Variants in MUC5B observed in about 807,000 individuals in gnomAD.
The protein encoded by MUC5B is mucin-5B.
A neutral mutation model predicts 376.9 loss-of-function variants in MUC5B; 116 were observed. The ratio of observed to expected loss-of-function variants is 0.31; its 90% CI spans 0.26 to 0.36. MUC5B has a LOEUF of 0.36. MUC5B is among the 10% of genes least tolerant of loss of function. The pLI is 1.00. For synonymous variants in MUC5B, 3,517 were observed against 3,390.9 expected (o/e 1.04, Z -1.29); for missense variants, 7,165 against 7,769.9 (o/e 0.92, Z 2.93).
At position 1,245,997 on chromosome 11, in the gene MUC5B, C is replaced by T. The variant is rs1394362094; in HGVS notation, c.9117C>T (p.Ala3039=). The T allele has an allele frequency of 1.2e-6, 2 of 1,612,898 alleles. No homozygotes were observed. Among genetic ancestry groups the T allele is most frequent in the Non-Finnish European group, 1.7e-6 (2 of 1,179,604 alleles). The part of the protein sequence containing the change: ...ATTPTATSSK[A]TSSSSPRTAT... ...CACCCACAGCCACCAGTTCCAAAGC[C>T]ACTTCCTCCTCCAGTCCAAGGACTG... The change falls in exon 31 of 49, where the codon GCC becomes GCT. Residue 3039 remains alanine (A), a synonymous_variant. Coordinates refer to ENST00000529681, the MANE Select transcript of MUC5B (RefSeq NM_002458.3).
rs1223625885 is a variant in MUC5B at position 1,255,147 on chromosome 11, G to C, written c.15771G>C (p.Lys5257Asn). The C allele has an allele frequency of 1.9e-6, 3 of 1,571,344 alleles. No homozygotes were observed. The highest frequency in any genetic ancestry group is 2.6e-6 in the Non-Finnish European group (3 of 1,159,738). ...CGTGGCTGGTCCCCGACAGCAGAAA[G>C]GATGGCTGCTGGGCCCCGACTGGCA... is the stretch of plus-strand genomic sequence containing the variant. The part of the protein sequence containing the change: ...AKTWLVPDSR[K>N]DGCWAPTGTP... Residue 5257 changes from lysine to asparagine, a missense_variant, in exon 36 of 49, where the codon AAG (lysine) becomes AAC (asparagine). Physicochemically the swap from Lys to Asn is moderately conservative, Grantham distance 94 (BLOSUM62 0). This residue lies in a region of MUC5B where 842 missense variants were observed against 1,016.9 expected (regional missense o/e 0.83). Transcript: ENST00000529681.
At position 1,234,475 on chromosome 11, in the gene MUC5B, A is replaced by G. The variant is rs1862110800; in HGVS notation, c.2479-54A>G. On this transcript the variant is annotated intron_variant, in intron 20 of 48. Coordinates refer to ENST00000529681, the MANE Select transcript of MUC5B (RefSeq NM_002458.3). This position sits in a 1 kb window ranked among gnomAD's most constrained non-coding sequence, Gnocchi z 6.3. ...GTGCGCCTGTCCCAGAGGGTGAGTG[A>G]CATCTGCCCACCCTGGTGTCCAGCC... 6.5e-7 allele frequency: 1 copy of G among 1,546,570 alleles called. No homozygotes were observed. The highest frequency in any genetic ancestry group is 1.9e-5 in the Admixed American group (1 of 51,494).
In MUC5B at chr11:1,236,429, C is replaced by T. The variant is rs757427396; in HGVS notation, c.2924C>T (p.Ala975Val). ...CAAGAGGGGACCTTTAAGGCGGTGG[C>T]GAGAGGGCCGGGTGGGGACCCACCC... is the stretch of plus-strand genomic sequence containing the variant. The part of the protein sequence containing the change: ...ILQEGTFKAV[A>V]RGPGGDPPYK... Residue 975 changes from alanine to valine, a missense_variant, in exon 24 of 49, where the codon GCG becomes GTG. Physicochemically the swap from Ala to Val is moderately conservative, Grantham distance 64. This residue lies in a region of MUC5B where 530 missense variants were observed against 604.0 expected (regional missense o/e 0.88). Coordinates refer to ENST00000529681, the MANE Select transcript of MUC5B (RefSeq NM_002458.3). The T allele has an allele frequency of 2.4e-5, 38 of 1,612,410 alleles. No individual in the cohort carries two copies. The highest frequency in any genetic ancestry group is 3.0e-5 in the Non-Finnish European group (35 of 1,179,628).
chr11:1,235,377 C>T lies in MUC5B; in HGVS notation c.2844C>T (p.Gly948=). The T allele has an allele frequency of 6.2e-7, 1 of 1,612,696 alleles. No individual in the cohort carries two copies. Among genetic ancestry groups the T allele is most frequent in the Non-Finnish European group, 8.5e-7 (1 of 1,179,764 alleles). Residue 948 remains glycine, a synonymous_variant, in exon 23 of 49, where the codon GGC becomes GGT. Coordinates refer to ENST00000529681, the MANE Select transcript of MUC5B (RefSeq NM_002458.3). ...AGAACATCCCCTGTGGGACCACCGG[C>T]ACCACCTGCTCCAAGGCCATCAAGC... ...VTENIPCGTT[G]TTCSKAIKLF... is the part of the protein sequence containing the mutation.
chr11:1,252,671 GCC>G, intron 32 of MUC5B, 136 bp from the exon 33 acceptor site: 1 of 1,388,608 alleles, frequency 7.2e-7, no homozygotes, highest in Non-Finnish European at 9.6e-7. Context: ...GGGCCTAGGG[GCC>G]AGGCTAGCAT....
In MUC5B at chr11:1,251,600, C is replaced by A. The variant is rs1458091157; in HGVS notation, c.14720C>A (p.Ala4907Glu). 1 of 1,612,952 alleles carries A rather than the reference C, an allele frequency of 6.2e-7. No homozygotes were observed. Among genetic ancestry groups the A allele is most frequent in the Non-Finnish European group, 8.5e-7 (1 of 1,179,774 alleles). ...ACCGTGGGGACCACCCGCACCCCTG[C>A]AGTGCTCCCCAGCAGCCTGCCAACC... ...SSTVGTTRTP[A>E]VLPSSLPTFS... Residue 4907 changes from alanine to glutamate, a missense_variant, in exon 31 of 49, where the codon GCA (alanine) becomes GAA (glutamate). Physicochemically the swap from Ala to Glu is moderately radical, Grantham distance 107. Coordinates refer to ENST00000529681, the MANE Select transcript of MUC5B (RefSeq NM_002458.3).
At chr11:1,228,394 GC>G (rs1289004470) in intron 7 of MUC5B, 169 bp from the exon 8 acceptor site, 14 of 627,234 alleles carry the variant, frequency 2.2e-5, no homozygotes, top group Non-Finnish European at 3.7e-5. Context: ...CTCCCCAAGG[GC>G]CAAGCAGAGC....
In MUC5B at chr11:1,247,606, G is replaced by T. The variant is rs1862530377; in HGVS notation, c.10726G>T (p.Ala3576Ser). The T allele has an allele frequency of 6.2e-7, 1 of 1,610,500 alleles. No homozygotes were observed. The highest frequency in any genetic ancestry group is 1.3e-5 in the African/African-American group (1 of 74,738). ...GACCACGGGCTGTGAGCCCCAGTGT[G>T]CCTGGTCAGAGTGGCTGGACTACAG... ...VVTTGCEPQCAWSEWLDYSYP... is the reference protein window; with the variant it reads ...VVTTGCEPQCSWSEWLDYSYP... Residue 3576 changes from alanine (A) to serine (S), a missense_variant, in exon 31 of 49, where the codon GCC (alanine) becomes TCC (serine). Coordinates refer to ENST00000529681, the MANE Select transcript of MUC5B (RefSeq NM_002458.3).
chr11:1,248,494 G>A lies in MUC5B; in HGVS notation c.11614G>A (p.Gly3872Ser), dbSNP rs1232671071. The A allele has an allele frequency of 1.2e-6, 2 of 1,610,500 alleles. No individual in the cohort carries two copies. Among genetic ancestry groups the A allele is most frequent in the East Asian group, 2.2e-5 (1 of 44,744 alleles). Residue 3872 changes from glycine to serine, a missense_variant, in exon 31 of 49, where the codon GGC (glycine) becomes AGC (serine). Physicochemically the swap from Gly to Ser is moderately conservative, Grantham distance 56 (BLOSUM62 0). Around this residue, in one of 31 missense-constraint regions of MUC5B, gnomAD observed 242 missense variants for 199.0 expected, o/e 1.22. Transcript: ENST00000529681. ...CAAAGTGCCGACTACCACAACCACGGGCTTCACAGTCACCCCCTCCTCCAG... is the reference window on the plus strand; with the variant it reads ...CAAAGTGCCGACTACCACAACCACGAGCTTCACAGTCACCCCCTCCTCCAG... ...TTKVPTTTTT[G>S]FTVTPSSSPG... is the part of the protein sequence containing the mutation.
Position 1,243,068 on chromosome 11 carries a change from C to G in MUC5B, c.6188C>G (p.Pro2063Arg). 2 of 1,612,188 alleles carry G rather than the reference C, an allele frequency of 1.2e-6. No homozygotes were observed. The highest frequency in any genetic ancestry group is 1.7e-6 in the Non-Finnish European group (2 of 1,178,952). Residue 2063 changes from proline (P) to arginine (R), a missense_variant, in exon 31 of 49, where the codon CCC (proline) becomes CGC (arginine). Physicochemically the swap from Pro to Arg is moderately radical, Grantham distance 103 (BLOSUM62 -2). Transcript: ENST00000529681. ...ACAACCACGGGCTTCACAGCCACCC[C>G]CTCCTCCAGCCCAGGGACGGCACTC... is the stretch of plus-strand genomic sequence containing the variant. The part of the protein sequence containing the change: ...TTTTTGFTAT[P>R]SSSPGTALTP...
rs373298756 is a variant in MUC5B at position 1,251,571 on chromosome 11, G to A, written c.14691G>A (p.Ser4897=). 176 of 1,612,380 alleles carry A rather than the reference G, an allele frequency of 1.1e-4. 1 individual carries two copies. Among genetic ancestry groups the A allele is most frequent in the Middle Eastern group, 6.6e-4 (4 of 6,062 alleles). ...CCACTGCCTCCACGGTTCCCAGCTC[G>A]TCCACCGTGGGGACCACCCGCACCC... ...PTATASTVPS[S]STVGTTRTPA... Residue 4897 remains serine, a synonymous_variant, in exon 31 of 49, where the codon TCG becomes TCA. Transcript: ENST00000529681.
At position 1,242,263 on chromosome 11, in the gene MUC5B, G is replaced by A; in HGVS notation, c.5383G>A (p.Asp1795Asn). 1 of 1,613,874 alleles carries A rather than the reference G, an allele frequency of 6.2e-7. No homozygotes were observed. Among genetic ancestry groups the A allele is most frequent in the Non-Finnish European group, 8.5e-7 (1 of 1,179,870 alleles). Residue 1795 changes from aspartate to asparagine, a missense_variant, in exon 31 of 49, where the codon GAC becomes AAC. By Grantham distance (23) the Asp-to-Asn change is conservative. Around this residue, in one of 31 missense-constraint regions of MUC5B, gnomAD observed 897 missense variants for 779.6 expected, o/e 1.15. Coordinates refer to ENST00000529681, the MANE Select transcript of MUC5B (RefSeq NM_002458.3). ...GAAGTGTGAGTGGACAGAGTGGTTT[G>A]ACGTGGACTTCCCAACCTCAGGGGT... is the stretch of plus-strand genomic sequence containing the variant. ...QPKCEWTEWF[D>N]VDFPTSGVAG... is the part of the protein sequence containing the mutation.
At position 1,249,009 on chromosome 11, in the gene MUC5B, G is replaced by T; in HGVS notation, c.12129G>T (p.Glu4043Asp). Residue 4043 changes from glutamate to aspartate, a missense_variant, in exon 31 of 49, where the codon GAG becomes GAT. Transcript: ENST00000529681. ...SGTLGTTHIT[E>D]PSTGTSHTPA... ...CCTTGGGCACCACCCACATCACAGAGCCTTCCACGGGGACTTCCCACACCC... is the reference window on the plus strand; with the variant it reads ...CCTTGGGCACCACCCACATCACAGATCCTTCCACGGGGACTTCCCACACCC... 6.2e-7 allele frequency: 1 copy of T among 1,609,244 alleles called. No individual in the cohort carries two copies. Among genetic ancestry groups the T allele is most frequent in the Non-Finnish European group, 8.5e-7 (1 of 1,178,958 alleles).
rs372246485 is a variant in MUC5B, at chr11:1,250,723, C to T, written c.13843C>T (p.Pro4615Ser). The change falls in exon 31 of 49, where the codon CCT (proline) becomes TCT (serine). Residue 4615 changes from proline (P) to serine (S), a missense_variant. By Grantham distance (74) the Pro-to-Ser change is moderately conservative. Coordinates refer to ENST00000529681, the MANE Select transcript of MUC5B (RefSeq NM_002458.3). The stretch of plus-strand genomic sequence containing the variant: ...CTCCAGCCCAGGGACGGCACTCACG[C>T]CTCCAGTGTGGATCAGCACAACCAC... ...PSSSPGTALT[P>S]PVWISTTTTP... 1.7e-5 allele frequency: 28 copies of T among 1,611,122 alleles called. 1 individual carries two copies. The highest frequency in any genetic ancestry group is 2.7e-5 in the African/African-American group (2 of 74,658).
intron 8 of MUC5B, 115 bp from the exon 9 acceptor site, chr11:1,229,055 G>A: frequency 7.7e-7 from 1 of 1,298,668 alleles, no homozygotes; most frequent in African/African-American, 1.5e-5. Flanking sequence ...CTGGGGCCTA[G>A]CTCTGGCTTC....
Position 1,261,561 on chromosome 11 carries a change from C to G in MUC5B, c.17242C>G (p.Pro5748Ala), listed in dbSNP as rs752257330. 3.1e-6 allele frequency: 5 copies of G among 1,608,172 alleles called. No homozygotes were observed. In the South Asian group the frequency reaches 5.6e-5, roughly 18 times the overall value. The change falls in exon 49 of 49, where the codon CCC (proline) becomes GCC (alanine). Residue 5748 changes from proline to alanine, a missense_variant. Physicochemically the swap from Pro to Ala is conservative, Grantham distance 27. Transcript: ENST00000529681. ...CTTCTGTGTCCCTGCGCCCATGGCT[C>G]CCCCACACACCCGTGGCTTCCCGGC... ...TPFCVPAPMA[P>A]PHTRGFPAQE...
Position 1,258,641 on chromosome 11 carries a change from G to C in MUC5B, c.16593+274G>C, listed in dbSNP as rs981111045. 6.6e-6 allele frequency among the ~76,000 whole-genome samples: 1 copy of C among 152,050 alleles called. No individual in the cohort carries two copies. The highest frequency in any genetic ancestry group is 6.5e-5 in the Admixed American group (1 of 15,282). The stretch of plus-strand genomic sequence containing the variant: ...CAGCACACACTGGCCTGGGGTCCCC[G>C]CCTGCCCGCCCAGATTCCTACCCGC... On this transcript the variant is annotated intron_variant, in intron 43 of 48. Transcript: ENST00000529681. The surrounding 1 kb of genome is among the most constrained non-coding windows in gnomAD (Gnocchi z 5.5).
At chr11:1,224,319 G>A (rs1219273017) in intron 1 of MUC5B, among the ~76,000 whole-genome samples, 1 of 152,132 alleles carries the variant, frequency 6.6e-6, no homozygotes, top group Non-Finnish European at 1.5e-5. Flanking sequence ...GCAGCTTCAT[G>A]TTAGGGGACA....
Position 1,243,635 on chromosome 11 carries a change from T to G in MUC5B, c.6755T>G (p.Leu2252Arg), listed in dbSNP as rs772410628. The change falls in exon 31 of 49, where the codon CTT becomes CGT. Residue 2252 changes from leucine to arginine, a missense_variant. By Grantham distance (102) the Leu-to-Arg change is moderately radical. Transcript: ENST00000529681. ...TGTTQHSTPA[L>R]SSPHPSSRTT... is the part of the protein sequence containing the mutation. ...ACCACCCAGCACTCGACTCCAGCCC[T>G]TTCCAGCCCTCACCCTAGCAGCAGA... The G allele has an allele frequency of 1.7e-5, 28 of 1,607,996 alleles. No homozygotes were observed. In the East Asian group the frequency reaches 6.3e-4, roughly 36 times the overall value.
Sources: gnomAD v4.1 joint callset for allele counts (sites outside exome capture counted in the v4.1 genomes callset) on GRCh38, gnomAD v4.1.1 for gene constraint, gnomAD v4.1.1 regional missense constraint, Gnocchi (gnomAD v3.1) non-coding constraint, MANE v1.5 for transcripts, NCBI Gene and HGNC (gene_info 2026-07-23, HGNC 2026-07-21) for gene names.